Variants in OVGP1 observed in about 807,000 individuals in gnomAD.
The protein encoded by OVGP1 is oviductal glycoprotein 1, also known as oviduct-specific glycoprotein.
In OVGP1, 26 loss-of-function variants were observed where a neutral mutation model predicts 48.2. That is an observed-to-expected ratio of 0.54 (90% CI 0.40 to 0.75). The LOEUF is 0.75. Ranked by LOEUF, OVGP1 falls within the 30% of genes least tolerant of loss-of-function variation. The probability of loss-of-function intolerance (pLI) is 0.00; values close to 1 mark genes in which losing one functional copy is unlikely to be tolerated. For missense variants in OVGP1, 791 were observed against 820.6 expected (o/e 0.96, Z 0.44); for synonymous variants, 294 against 305.7 (o/e 0.96, Z 0.40).
chr1:111,427,321 C>A, intron 1 of OVGP1: 1 of 985,378 alleles, frequency 1.0e-6, no homozygotes, highest in Non-Finnish European at 1.2e-6. Flanking sequence ...TGTATATGCT[C>A]ATGCTTTGCC....
At chr1:111,420,897 TG>T (rs1307124455) in intron 8 of OVGP1, among the ~76,000 whole-genome samples, 1 of 152,088 alleles carries the variant, frequency 6.6e-6, no homozygotes, top group Non-Finnish European at 1.5e-5. Context: ...GAGTAGTATG[TG>T]GGGGAGGTAC....
Sources: gnomAD v4.1 joint callset for allele counts (sites outside exome capture counted in the v4.1 genomes callset) on GRCh38, gnomAD v4.1.1 for gene constraint, MANE v1.5 for transcripts, NCBI Gene and HGNC (gene_info 2026-07-23, HGNC 2026-07-21) for gene names.